Variants in PLCB3 observed in about 807,000 individuals in gnomAD.
PLCB3 encodes 1-phosphatidylinositol 4,5-bisphosphate phosphodiesterase beta-3.
In PLCB3, 54 loss-of-function variants were observed where a neutral mutation model predicts 152.1. The observed-to-expected ratio is 0.36, with a 90% confidence interval of 0.29 to 0.45. PLCB3 has a LOEUF of 0.45. PLCB3 is among the 20% of genes least tolerant of loss of function. The pLI is 1.00. For missense variants in PLCB3, 1,248 were observed against 1,687.5 expected, an observed-to-expected ratio of 0.74 and a Z score of 4.56; for synonymous variants, 717 against 698.7, an observed-to-expected ratio of 1.03 and a Z score of -0.41.
chr11:64,255,828 G>T lies in PLCB3; in HGVS notation c.698+7G>T, dbSNP rs370894311. The T allele has an allele frequency of 1.1e-4, 178 of 1,590,256 alleles. No individual in the cohort carries two copies. The highest frequency in any genetic ancestry group is 1.5e-4 in the Non-Finnish European group (173 of 1,158,456). On this transcript the variant is annotated splice_region_variant and intron_variant, in intron 8 of 30. Transcript: ENST00000279230. The surrounding 1 kb of genome is among the most constrained non-coding windows in gnomAD (Gnocchi z 6.8). ...ACAAGATCCTGCTGGAGATGTGAGT[G>T]GGCCCGGCCTGCCTCACAACCCCTG...
At chr11:64,262,942 C>A in intron 19 of PLCB3, 134 bp downstream of exon 19, 1 of 874,926 alleles carries the variant, frequency 1.1e-6, no homozygotes, top group East Asian at 2.6e-5. Context: ...CCATGGGTCC[C>A]CCAGGACCTG....
At chr11:64,264,900 G>A in intron 22 of PLCB3, 51 bp from the exon 23 acceptor site, 1 of 1,596,304 alleles carries the variant, frequency 6.3e-7, no homozygotes, top group South Asian at 1.1e-5. Flanking sequence ...GGACAGAAGG[G>A]TCTGGAGGGA....
intron 10 of PLCB3, among the ~76,000 whole-genome samples, chr11:64,257,856 A>G (rs1009274349): frequency 5.9e-5 from 9 of 151,928 alleles, no homozygotes; most frequent in Admixed American, 6.6e-5. Flanking sequence ...CAGGTGCTCT[A>G]TAGAGATTGG....
chr11:64,256,227 G>A, intron 8 of PLCB3, 149 bp from the exon 9 acceptor site: 1 of 656,478 alleles, frequency 1.5e-6, no homozygotes, highest in South Asian at 1.9e-5. Flanking sequence ...CTGAGGCCCA[G>A]AGGTTGGCCA....
rs773979044 is a variant in PLCB3 at position 64,254,479 on chromosome 11, C to T, written c.164C>T (p.Thr55Met). ...CCCAATGGCTTCTTCTTGTACTGGA[C>T]GGGCCCCAACATGGTGAGGGTGGGC... ...VDPNGFFLYW[T>M]GPNMEVDTLD... Residue 55 changes from threonine (T) to methionine (M), a missense_variant, in exon 2 of 31, where the codon ACG (threonine) becomes ATG (methionine). Physicochemically the swap from Thr to Met is moderately conservative, Grantham distance 81. Transcript: ENST00000279230. 8.2e-5 allele frequency: 133 copies of T among 1,613,606 alleles called. 1 individual carries two copies. Among genetic ancestry groups the T allele is most frequent in the South Asian group, 1.6e-4 (15 of 91,080 alleles).
chr11:64,268,204 G>A (rs185904158), downstream of PLCB3, among the ~76,000 whole-genome samples: 1 of 152,264 alleles, frequency 6.6e-6, no homozygotes, highest in Admixed American at 6.5e-5. Flanking sequence ...TCTGCTTCAG[G>A]AAGCCTTCCC....
intron 19 of PLCB3, 182 bp from the exon 20 acceptor site, chr11:64,263,316 A>G (rs1591112490): frequency 1.7e-6 from 1 of 578,804 alleles, no homozygotes; most frequent in African/African-American, 1.9e-5. Flanking sequence ...GCAGTCATCC[A>G]TTAGGCCAGG....
intron 1 of PLCB3, among the ~76,000 whole-genome samples, chr11:64,254,126 G>A (rs1284733177): frequency 6.6e-6 from 1 of 152,124 alleles, no homozygotes; most frequent in Non-Finnish European, 1.5e-5. Flanking sequence ...GGGTGTCCTG[G>A]CAAAGGGAAC....
chr11:64,269,369 G>A (rs2032319776), downstream of PLCB3, among the ~76,000 whole-genome samples: 1 of 152,214 alleles, frequency 6.6e-6, no homozygotes, highest in Non-Finnish European at 1.5e-5. Context: ...CCGGGTTATA[G>A]GGGGCGCCAA....
intron 13 of PLCB3, among the ~76,000 whole-genome samples, chr11:64,259,565 G>A (rs1032771114): frequency 1.3e-5 from 2 of 152,000 alleles, no homozygotes; most frequent in African/African-American, 4.8e-5. Flanking sequence ...CACACTGGGT[G>A]TGACCTCAGA....
chr11:64,263,264 G>A, intron 19 of PLCB3: 2 of 564,794 alleles, frequency 3.5e-6, no homozygotes, highest in Non-Finnish European at 6.3e-6. Flanking sequence ...GGCCCTGGAG[G>A]GGCCTGGCTG....
chr11:64,266,332 A>G lies in PLCB3; in HGVS notation c.3284A>G (p.Gln1095Arg), dbSNP rs201700958. The change falls in exon 28 of 31, where the codon CAG becomes CGG. Residue 1095 changes from glutamine to arginine, a missense_variant. By Grantham distance (43) the Gln-to-Arg change is conservative. Transcript: ENST00000279230. This position sits in a 1 kb window ranked among gnomAD's most constrained non-coding sequence, Gnocchi z 4.9. ...EMNEREKKEL[Q>R]KILDRKRHNS... ...TTCTCCAGGGAGAAGAAGGAGCTGC[A>G]GAAGATCCTGGACAGAAAGCGCCAT... The G allele has an allele frequency of 3.5e-5, 56 of 1,613,166 alleles. No homozygotes were observed. The highest frequency in any genetic ancestry group is 5.0e-5 in the Admixed American group (3 of 59,876).
At position 64,259,905 on chromosome 11, in the gene PLCB3, G is replaced by T. The variant is rs2031753173; in HGVS notation, c.1526-124G>T. On this transcript the variant is annotated intron_variant, in intron 13 of 30. Transcript: ENST00000279230. Reference sequence around the variant, plus strand: ...TCTTGGCCTCTCCCCAAGCCACACTGCCCTGAGAGTACCCCTTGAATTCCC... The same window carrying T: ...TCTTGGCCTCTCCCCAAGCCACACTTCCCTGAGAGTACCCCTTGAATTCCC... 1.2e-5 allele frequency: 9 copies of T among 773,008 alleles called. No homozygotes were observed. The South Asian group carries it at 1.4e-4, about 12-fold the overall frequency. 47.9% of individuals were successfully genotyped at this position (773,008 alleles called of 1,614,324 possible).
At position 64,264,092 on chromosome 11, in the gene PLCB3, G is replaced by A. The variant is rs760695903; in HGVS notation, c.2632G>A (p.Ala878Thr). 52 of 1,546,548 alleles carry A rather than the reference G, an allele frequency of 3.4e-5. No individual in the cohort carries two copies. Among genetic ancestry groups the A allele is most frequent in the South Asian group, 5.0e-5 (4 of 80,086 alleles). ...LMDQRARQLA[A>T]LIGESEAQAG... ...GGACCAGAGGGCCCGGCAGCTGGCC[G>A]CCCTCATTGGGGAGAGTGAGGTGAG... The change falls in exon 22 of 31, where the codon GCC becomes ACC. Residue 878 changes from alanine (A) to threonine (T), a missense_variant. Ala to Thr is a moderately conservative substitution (Grantham distance 58, BLOSUM62 0). Coordinates refer to ENST00000279230, the MANE Select transcript of PLCB3 (RefSeq NM_000932.5).
Position 64,265,914 on chromosome 11 carries a change from AAGG to A in PLCB3, c.3068_3070del (p.Glu1023del). On this transcript the variant is annotated inframe_deletion, in exon 26 of 31. Coordinates refer to ENST00000279230, the MANE Select transcript of PLCB3 (RefSeq NM_000932.5). ...TGGGGCCGCTGATGTGGAGGACACG[AAGG>A]AGGGGGAGGACGAGGCAAAGCGGTA... 3.7e-6 allele frequency: 6 copies of A among 1,613,238 alleles called. No individual in the cohort carries two copies. Among genetic ancestry groups the A allele is most frequent in the Non-Finnish European group, 5.1e-6 (6 of 1,179,982 alleles).
rs184952115 is a variant in PLCB3, at chr11:64,266,862, C to T, written c.3414+310C>T. Reference sequence around the variant, plus strand: ...TCGCCCAGGCTGGAGTGCAGTGGCGCGATCTTGGCTCACTGCAACCTCTTG... The same window carrying T: ...TCGCCCAGGCTGGAGTGCAGTGGCGTGATCTTGGCTCACTGCAACCTCTTG... On this transcript the variant is annotated intron_variant, in intron 29 of 30. Coordinates refer to ENST00000279230, the MANE Select transcript of PLCB3 (RefSeq NM_000932.5). The surrounding 1 kb of genome is among the most constrained non-coding windows in gnomAD (Gnocchi z 4.9). Among the ~76,000 whole-genome samples, 9 of 152,128 alleles carry T rather than the reference C, an allele frequency of 5.9e-5. No individual in the cohort carries two copies. Among genetic ancestry groups the T allele is most frequent in the Admixed American group, 1.3e-4 (2 of 15,276 alleles).
intron 16 of PLCB3, 47 bp from the exon 17 acceptor site, chr11:64,261,905 A>G (rs1342711823): frequency 9.9e-6 from 16 of 1,610,536 alleles, no homozygotes; most frequent in Non-Finnish European, 1.4e-5. Flanking sequence ...GTGGAGGCTG[A>G]TGGGGTGGGC....
chr11:64,254,071 C>T (rs577477818), intron 1 of PLCB3, among the ~76,000 whole-genome samples: 1 of 152,094 alleles, frequency 6.6e-6, no homozygotes, highest in Admixed American at 6.6e-5. Context: ...CTGGGGACCT[C>T]TTCCAGGGGG....
chr11:64,263,631 G>A (rs2031965762), intron 20 of PLCB3, 34 bp downstream of exon 20: 1 of 1,604,106 alleles, frequency 6.2e-7, no homozygotes, highest in Non-Finnish European at 8.5e-7. Context: ...CAGCACAGCG[G>A]GCAGTGGGTA....
Sources: gnomAD v4.1 joint callset for allele counts (sites outside exome capture counted in the v4.1 genomes callset) on GRCh38, gnomAD v4.1.1 for gene constraint, Gnocchi (gnomAD v3.1) non-coding constraint, MANE v1.5 for transcripts, NCBI Gene and HGNC (gene_info 2026-07-23, HGNC 2026-07-21) for gene names.